The following ANKRD45 variants were observed in gnomAD, a reference collection of about 807,000 sequenced individuals.
ANKRD45 encodes ankyrin repeat domain 45, also known as ankyrin repeat domain-containing protein 45.
In ANKRD45, 21 loss-of-function variants were observed where a neutral mutation model predicts 28.1. The observed-to-expected ratio is 0.75, with a 90% confidence interval of 0.53 to 1.08. The LOEUF (loss-of-function observed/expected upper bound fraction) is 1.08, where lower values mean the gene tolerates loss of function less well. Among genes scored for constraint, ANKRD45 ranks in the 50% least tolerant of loss-of-function variants. The probability of loss-of-function intolerance (pLI) is 0.00; values close to 1 mark genes in which losing one functional copy is unlikely to be tolerated. For missense variants in ANKRD45, 261 were observed against 308.7 expected (o/e 0.85, Z 1.16); for synonymous variants, 86 against 103.9 (o/e 0.83, Z 1.05).
intron 2 of ANKRD45, among the ~76,000 whole-genome samples, chr1:173,652,476 T>G (rs1408299327): frequency 6.6e-6 from 1 of 152,188 alleles, no homozygotes; most frequent in Non-Finnish European, 1.5e-5. Flanking sequence ...AAGCTTTTGA[T>G]GTGCTGCTGG....
chr1:173,649,931 C>T (rs1390016190), intron 2 of ANKRD45, among the ~76,000 whole-genome samples: 1 of 152,018 alleles, frequency 6.6e-6, no homozygotes, highest in Non-Finnish European at 1.5e-5. Context: ...TCTCAGTTTG[C>T]TTTTAAAAAG....
At chr1:173,709,046 C>G in the ANKRD45 span, among the ~76,000 whole-genome samples, 1 of 152,214 alleles carries the variant, frequency 6.6e-6, no homozygotes, top group Non-Finnish European at 1.5e-5. Flanking sequence ...TCTAATTTCA[C>G]CAGCTTTGTG....
chr1:173,637,318 T>C (rs575298033), intron 3 of ANKRD45, among the ~76,000 whole-genome samples: 43 of 152,324 alleles, frequency 2.8e-4, no homozygotes, highest in African/African-American at 9.4e-4. Context: ...GAATAGATAG[T>C]AACCTCTCTT....
intron 2 of ANKRD45, chr1:173,658,886 A>G (rs1669661232): frequency 1.3e-6 from 1 of 746,780 alleles, no homozygotes; most frequent in African/African-American, 1.8e-5. Flanking sequence ...AATAAATAGT[A>G]AAGTCTATGT....
At chr1:173,708,905 G>A in the ANKRD45 span, among the ~76,000 whole-genome samples, 184 of 152,318 alleles carry the variant, frequency 1.2e-3, no homozygotes, top group African/African-American at 4.2e-3. Context: ...CCATCGTAGT[G>A]CTCTCTGCTG....
chr1:173,646,736 G>T, intron 3 of ANKRD45, 110 bp downstream of exon 3: 1 of 1,063,946 alleles, frequency 9.4e-7, no homozygotes, highest in Non-Finnish European at 1.4e-6. Flanking sequence ...CTGTGACTGT[G>T]GTTGTATCTA....
At chr1:173,613,552 T>TG (rs1371024259) in intron 5 of ANKRD45, among the ~76,000 whole-genome samples, 1 of 46,764 alleles carries the variant, frequency 2.1e-5, no homozygotes, top group Non-Finnish European at 4.0e-5. Flanking sequence ...GGGAGGGAGG[T>TG]GGGGGGTCAG....
At chr1:173,657,894 C>T (rs1175694153) in intron 2 of ANKRD45, 1 of 151,442 alleles carries the variant, frequency 6.6e-6, no homozygotes, top group Non-Finnish European at 1.5e-5. Flanking sequence ...TTTTATGTTT[C>T]TTATATTCTA....
chr1:173,647,998 G>A (rs10912657), intron 2 of ANKRD45, among the ~76,000 whole-genome samples: 25,808 of 151,880 alleles, frequency 0.17, 7,311 homozygotes, highest in African/African-American at 0.59. Flanking sequence ...GCTGGAGTGC[G>A]GTGGCACGAT....
the ANKRD45 span, among the ~76,000 whole-genome samples, chr1:173,676,494 A>C: frequency 6.6e-6 from 1 of 152,268 alleles, no homozygotes; most frequent in Admixed American, 6.5e-5. Context: ...TCTGCTTGAT[A>C]GTCATAAACA....
At chr1:173,614,471 T>C (rs1362126407) in intron 5 of ANKRD45, among the ~76,000 whole-genome samples, 2 of 152,124 alleles carry the variant, frequency 1.3e-5, no homozygotes, top group Non-Finnish European at 2.9e-5. Flanking sequence ...CAAATAGTTA[T>C]AGCTTCAGTA....
At chr1:173,622,896 T>C (rs1377076428) in intron 5 of ANKRD45, among the ~76,000 whole-genome samples, 3 of 152,184 alleles carry the variant, frequency 2.0e-5, no homozygotes, top group East Asian at 3.9e-4. Flanking sequence ...TTGCAATCTA[T>C]TCATCTGACA....
At chr1:173,617,573 C>T (rs552304876) in intron 5 of ANKRD45, among the ~76,000 whole-genome samples, 2 of 152,354 alleles carry the variant, frequency 1.3e-5, no homozygotes, top group South Asian at 4.1e-4. Context: ...TGGGTGGGGC[C>T]TCCCTGCAGG....
rs1354629495 is a variant in ANKRD45 at position 173,609,086 on chromosome 1, G to T, written c.*1059C>A. Among the ~76,000 whole-genome samples, 1 of 151,770 alleles carries T rather than the reference G, an allele frequency of 6.6e-6. No homozygotes were observed. Among genetic ancestry groups the T allele is most frequent in the East Asian group, 1.9e-4 (1 of 5,176 alleles). On this transcript the variant is annotated 3_prime_UTR_variant, in exon 6 of 6. Transcript: ENST00000333279. ...CACTGGGTCGGCCAAAAAGGTGGCT[G>T]AAAGTTATTGCAGTGTTCTTTTGCT...
intron 1 of ANKRD45, among the ~76,000 whole-genome samples, chr1:173,666,343 T>C (rs1319459176): frequency 6.6e-6 from 1 of 152,212 alleles, no homozygotes; most frequent in Non-Finnish European, 1.5e-5. Context: ...CAATTCCTTA[T>C]AATAAATTAT....
chr1:173,684,778 A>AT, the ANKRD45 span, among the ~76,000 whole-genome samples: 1 of 152,134 alleles, frequency 6.6e-6, no homozygotes, highest in Non-Finnish European at 1.5e-5. Flanking sequence ...AGGCTATCCT[A>AT]TTTTCCCAAG....
chr1:173,703,168 TG>T, the ANKRD45 span, among the ~76,000 whole-genome samples: 1 of 151,916 alleles, frequency 6.6e-6, no homozygotes. Context: ...CCCAAGTAGC[TG>T]GGGTTACAGG....
At chr1:173,706,687 C>T in the ANKRD45 span, among the ~76,000 whole-genome samples, 1 of 152,034 alleles carries the variant, frequency 6.6e-6, no homozygotes, top group Non-Finnish European at 1.5e-5. Flanking sequence ...TGTAGATATC[C>T]CATTGTTTAT....
the ANKRD45 span, among the ~76,000 whole-genome samples, chr1:173,701,710 C>T: frequency 6.6e-6 from 1 of 152,024 alleles, no homozygotes; most frequent in African/African-American, 2.4e-5. Context: ...AGGAGAAATA[C>T]CTAATGTAAA....
Sources: allele counts gnomAD v4.1 joint callset (sites outside exome capture counted in the v4.1 genomes callset), GRCh38; gene constraint gnomAD v4.1.1; transcripts MANE v1.5; gene names NCBI Gene and HGNC (gene_info 2026-07-23, HGNC 2026-07-21).